LRRTM4: variants seen among roughly 807,000 people sequenced by gnomAD.
LRRTM4 encodes the protein leucine-rich repeat transmembrane neuronal protein 4.
Under a neutral mutation model 47.6 loss-of-function variants are expected in LRRTM4, and 25 were observed. The observed-to-expected ratio is 0.53, with a 90% confidence interval of 0.38 to 0.73. The LOEUF is 0.73. Ranked by LOEUF, LRRTM4 falls within the 30% of genes least tolerant of loss-of-function variation. The pLI is 0.00. For missense variants in LRRTM4, 638 were observed against 713.4 expected (o/e 0.89, Z 1.20); for synonymous variants, 311 against 269.5 (o/e 1.15, Z -1.51).
At chr2:77,403,727 A>G (rs1289289013) in intron 3 of LRRTM4, among the ~76,000 whole-genome samples, 3 of 151,738 alleles carry the variant, frequency 2.0e-5, no homozygotes, top group African/African-American at 7.3e-5. Flanking sequence ...GATTTGTGTC[A>G]CATTTTGATA....
At chr2:77,354,985 T>C (rs1003843232) in intron 3 of LRRTM4, among the ~76,000 whole-genome samples, 1 of 152,106 alleles carries the variant, frequency 6.6e-6, no homozygotes, top group African/African-American at 2.4e-5. Flanking sequence ...AAACAATTTA[T>C]ACAACTGCAC....
At chr2:76,820,836 A>G (rs1353662298) in intron 3 of LRRTM4, among the ~76,000 whole-genome samples, 3 of 151,838 alleles carry the variant, frequency 2.0e-5, no homozygotes, top group African/African-American at 7.2e-5. Flanking sequence ...ATCCAAAATC[A>G]TTGAGGCGCA....
At chr2:77,186,245 A>G (rs771497319) in intron 3 of LRRTM4, among the ~76,000 whole-genome samples, 1 of 152,042 alleles carries the variant, frequency 6.6e-6, no homozygotes, top group African/African-American at 2.4e-5. Flanking sequence ...CTTTGATGCC[A>G]TTTATTAGGT....
At chr2:77,289,291 A>C (rs1676753377) in intron 3 of LRRTM4, among the ~76,000 whole-genome samples, 1 of 151,978 alleles carries the variant, frequency 6.6e-6, no homozygotes, top group South Asian at 2.1e-4. Context: ...TTTTATTTTT[A>C]AAAGGAAAAT....
At chr2:77,490,373 CTAAG>C (rs1212159541) in intron 3 of LRRTM4, among the ~76,000 whole-genome samples, 1 of 151,892 alleles carries the variant, frequency 6.6e-6, no homozygotes, top group Non-Finnish European at 1.5e-5. Context: ...TGATGATACA[CTAAG>C]TATTTGAGAA....
chr2:77,037,190 G>A (rs1040628702), intron 3 of LRRTM4, among the ~76,000 whole-genome samples: 1 of 151,726 alleles, frequency 6.6e-6, no homozygotes, highest in Admixed American at 6.6e-5. Flanking sequence ...CATTATATAT[G>A]TCTATATACA....
intron 3 of LRRTM4, among the ~76,000 whole-genome samples, chr2:76,814,852 A>G (rs992646764): frequency 7.9e-5 from 12 of 151,904 alleles, no homozygotes; most frequent in Non-Finnish European, 1.3e-4. Context: ...TACCCCATAC[A>G]TATGTAAAGT....
At chr2:77,185,129 A>G (rs188442183) in intron 3 of LRRTM4, among the ~76,000 whole-genome samples, 39 of 152,228 alleles carry the variant, frequency 2.6e-4, no homozygotes, top group African/African-American at 8.9e-4. Context: ...AGAGATATGT[A>G]TTATCTATTT....
intron 3 of LRRTM4, among the ~76,000 whole-genome samples, chr2:77,343,238 G>C (rs926658229): frequency 1.3e-5 from 2 of 151,866 alleles, no homozygotes; most frequent in Non-Finnish European, 2.9e-5. Context: ...AAAATGGAAA[G>C]CTCTCATACT....
chr2:77,476,829 A>AT (rs1553448879), intron 3 of LRRTM4, among the ~76,000 whole-genome samples: 2 of 152,054 alleles, frequency 1.3e-5, no homozygotes, highest in Non-Finnish European at 1.5e-5. Context: ...AAATGGTGGT[A>AT]TTTTTTTAAG....
intron 3 of LRRTM4, among the ~76,000 whole-genome samples, chr2:76,758,235 A>G (rs7608234): frequency 0.56 from 85,627 of 151,990 alleles, 24,398 homozygotes; most frequent in Admixed American, 0.65. Context: ...ATCTGACAGT[A>G]CAGTGGGCAT....
chr2:76,863,088 T>TCC, intron 3 of LRRTM4, among the ~76,000 whole-genome samples: 1 of 152,260 alleles, frequency 6.6e-6, no homozygotes, highest in Middle Eastern at 3.4e-3. Context: ...GACATTTTCC[T>TCC]CCCAACTACC....
chr2:76,852,490 T>G (rs1403764930), intron 3 of LRRTM4, among the ~76,000 whole-genome samples: 1 of 152,214 alleles, frequency 6.6e-6, no homozygotes, highest in African/African-American at 2.4e-5. Flanking sequence ...CTTACTTTTC[T>G]GAATAGTTTA....
chr2:77,175,071 TTTC>T (rs1573039484), intron 3 of LRRTM4, among the ~76,000 whole-genome samples: 2 of 98,414 alleles, frequency 2.0e-5, no homozygotes, highest in East Asian at 3.8e-4. Context: ...TTATTTCTTT[TTTC>T]TTTTTTTTTT....
intron 3 of LRRTM4, among the ~76,000 whole-genome samples, chr2:77,342,536 A>C (rs995524564): frequency 6.6e-6 from 1 of 151,992 alleles, no homozygotes; most frequent in Admixed American, 6.6e-5. Flanking sequence ...TAACTGTTAG[A>C]TCTTAAACAA....
intron 3 of LRRTM4, among the ~76,000 whole-genome samples, chr2:77,111,704 A>G (rs1671254609): frequency 6.6e-6 from 1 of 152,084 alleles, no homozygotes; most frequent in African/African-American, 2.4e-5. Flanking sequence ...CTTGTGTTCA[A>G]GTAACCCTTA....
chr2:77,136,790 G>C (rs1296841525), intron 3 of LRRTM4, among the ~76,000 whole-genome samples: 4 of 151,608 alleles, frequency 2.6e-5, no homozygotes, highest in Non-Finnish European at 4.4e-5. Context: ...AATGACCTGA[G>C]GGAGCTGAAA....
intron 3 of LRRTM4, among the ~76,000 whole-genome samples, chr2:77,248,762 C>A (rs1477136384): frequency 6.6e-6 from 1 of 152,022 alleles, no homozygotes. Flanking sequence ...GTCAACTGAT[C>A]TTTGACAAAG....
At chr2:77,350,974 A>T (rs1036129919) in intron 3 of LRRTM4, among the ~76,000 whole-genome samples, 1 of 152,176 alleles carries the variant, frequency 6.6e-6, no homozygotes, top group Non-Finnish European at 1.5e-5. Context: ...TTACATAGGT[A>T]AATGCATGTC....
Sources: gnomAD v4.1 joint callset for allele counts (sites outside exome capture counted in the v4.1 genomes callset) on GRCh38, gnomAD v4.1.1 for gene constraint, MANE v1.5 for transcripts, NCBI Gene and HGNC (gene_info 2026-07-23, HGNC 2026-07-21) for gene names.